KCTD16: variants seen among roughly 807,000 people sequenced by gnomAD.
The protein encoded by KCTD16 is potassium channel tetramerization domain containing 16.
Under a neutral mutation model 33.2 loss-of-function variants are expected in KCTD16, and 13 were observed. The observed-to-expected ratio is 0.39, with a 90% CI of 0.25 to 0.62. The LOEUF (loss-of-function observed/expected upper bound fraction) is 0.62, where lower values mean the gene tolerates loss of function less well. Ranked by LOEUF, KCTD16 falls within the 20% of genes least tolerant of loss-of-function variation. The pLI, the probability that KCTD16 is intolerant of heterozygous loss-of-function variation, is 0.50. For synonymous variants in KCTD16, 197 were observed against 195.3 expected (o/e 1.01, Z -0.07); for missense variants, 441 against 525.1 (o/e 0.84, Z 1.57).
chr5:144,325,823 G>C (rs913370201), intron 3 of KCTD16, among the ~76,000 whole-genome samples: 4 of 152,064 alleles, frequency 2.6e-5, no homozygotes, highest in Non-Finnish European at 5.9e-5. Context: ...TGTGAACTTA[G>C]GAACTGCCCC....
chr5:144,467,913 C>A (rs1385033814), intron 3 of KCTD16, among the ~76,000 whole-genome samples: 1 of 152,158 alleles, frequency 6.6e-6, no homozygotes, highest in East Asian at 1.9e-4. Context: ...GCTAACTACA[C>A]TTTTCCTTTG....
chr5:144,284,848 G>A (rs1755700966), intron 3 of KCTD16, among the ~76,000 whole-genome samples: 1 of 152,190 alleles, frequency 6.6e-6, no homozygotes. Context: ...AGTTATGGAA[G>A]CCTCTTTTTC....
At chr5:144,281,560 C>G (rs534507967) in intron 3 of KCTD16, among the ~76,000 whole-genome samples, 1 of 152,038 alleles carries the variant, frequency 6.6e-6, no homozygotes, top group Admixed American at 6.5e-5. Context: ...AGAAAAAGAC[C>G]TTGCATTATT....
chr5:144,273,824 G>C (rs536620412), intron 3 of KCTD16, among the ~76,000 whole-genome samples: 113 of 152,100 alleles, frequency 7.4e-4, no homozygotes, highest in African/African-American at 2.6e-3. Flanking sequence ...AATAGTTTCA[G>C]TTTTACAAGA....
chr5:144,215,399 C>A (rs1753533431), intron 3 of KCTD16, among the ~76,000 whole-genome samples: 1 of 152,186 alleles, frequency 6.6e-6, no homozygotes, highest in South Asian at 2.1e-4. Flanking sequence ...GACAAGGTTG[C>A]CTTCTTAATT....
At chr5:144,191,653 A>G (rs1464725666) in intron 2 of KCTD16, among the ~76,000 whole-genome samples, 1 of 151,230 alleles carries the variant, frequency 6.6e-6, no homozygotes, top group African/African-American at 2.4e-5. Flanking sequence ...TCTTTAAGAA[A>G]TCTCACCTCC....
chr5:144,287,836 A>G (rs1755788928), intron 3 of KCTD16, among the ~76,000 whole-genome samples: 1 of 151,988 alleles, frequency 6.6e-6, no homozygotes, highest in African/African-American at 2.4e-5. Flanking sequence ...AGGTTTCACC[A>G]TGTTGGCCAA....
At position 144,226,865 on chromosome 5, in the gene KCTD16, G is replaced by A. The variant is rs936918596; in HGVS notation, c.832+19319G>A. 8.5e-5 allele frequency among the ~76,000 whole-genome samples: 13 copies of A among 152,288 alleles called. No homozygotes were observed. The South Asian group carries it at 1.2e-3, about 15-fold the overall frequency. ...TGGGATTACAGGTGTGAGACACTGC[G>A]CCTGGCCAAATCTATTTCTTTATGA... is the stretch of plus-strand genomic sequence containing the variant. On this transcript the variant is annotated intron_variant, in intron 3 of 3. Coordinates refer to ENST00000512467, the MANE Select transcript of KCTD16 (RefSeq NM_020768.4).
chr5:144,304,977 CTTTT>C (rs146638360), intron 3 of KCTD16, among the ~76,000 whole-genome samples: 4 of 83,412 alleles, frequency 4.8e-5, no homozygotes, highest in African/African-American at 2.2e-4. Context: ...ATATCAAAAT[CTTTT>C]TTTTTTTTTT....
chr5:144,474,460 C>A lies in KCTD16; in HGVS notation c.*346C>A. ...TCCCAAACTGGGTTTTTTCTCTCAT[C>A]CTTCTACCTCCCTCCTTTGAATGAG... is the stretch of plus-strand genomic sequence containing the variant. On this transcript the variant is annotated 3_prime_UTR_variant, in exon 4 of 4. Coordinates refer to ENST00000512467, the MANE Select transcript of KCTD16 (RefSeq NM_020768.4). 1 of 194,618 alleles carries A rather than the reference C, an allele frequency of 5.1e-6. No homozygotes were observed. The highest frequency in any genetic ancestry group is 1.0e-4 in the South Asian group (1 of 10,022). 12.1% of individuals were successfully genotyped at this position (194,618 alleles called of 1,614,324 possible).
intron 3 of KCTD16, among the ~76,000 whole-genome samples, chr5:144,370,616 C>T (rs1302951222): frequency 5.3e-5 from 8 of 152,102 alleles, no homozygotes; most frequent in Non-Finnish European, 1.5e-5. Context: ...TGCCAAGGCA[C>T]ATAGCAGTTG....
intron 3 of KCTD16, among the ~76,000 whole-genome samples, chr5:144,289,260 G>A (rs553155702): frequency 9.2e-5 from 14 of 152,276 alleles, no homozygotes; most frequent in African/African-American, 3.4e-4. Context: ...CCCAGAATCT[G>A]AAGCCTACTG....
intron 2 of KCTD16, chr5:144,205,531 C>T: frequency 2.5e-6 from 1 of 398,736 alleles, no homozygotes; most frequent in Non-Finnish European, 4.4e-6. Flanking sequence ...CATGGGAGTC[C>T]GTTTGCCCTT....
intron 3 of KCTD16, among the ~76,000 whole-genome samples, chr5:144,439,958 A>G (rs963656351): frequency 6.6e-6 from 1 of 152,116 alleles, no homozygotes; most frequent in Non-Finnish European, 1.5e-5. Flanking sequence ...CTAAAAAAAA[A>G]AAAACATATT....
intron 3 of KCTD16, among the ~76,000 whole-genome samples, chr5:144,254,896 A>C (rs1489598153): frequency 6.6e-6 from 1 of 151,972 alleles, no homozygotes; most frequent in Non-Finnish European, 1.5e-5. Context: ...AGTAGCTGGG[A>C]CCACAGGTGT....
intron 3 of KCTD16, among the ~76,000 whole-genome samples, chr5:144,389,422 C>CCCT (rs1752402396): frequency 6.6e-6 from 1 of 151,982 alleles, no homozygotes; most frequent in Admixed American, 6.6e-5. Flanking sequence ...GTGAACTGAG[C>CCCT]ATGCAAGGGA....
At chr5:144,429,777 A>G (rs1171486852) in intron 3 of KCTD16, among the ~76,000 whole-genome samples, 3 of 152,136 alleles carry the variant, frequency 2.0e-5, no homozygotes, top group African/African-American at 7.2e-5. Context: ...CTGAACTAAA[A>G]TAAGGAATAC....
chr5:144,222,359 G>T (rs1753784174), intron 3 of KCTD16, among the ~76,000 whole-genome samples: 1 of 152,080 alleles, frequency 6.6e-6, no homozygotes, highest in African/African-American at 2.4e-5. Flanking sequence ...GTAATAATGT[G>T]GTGTGGGGTA....
In KCTD16 at chr5:144,475,599, A is replaced by C. The variant is rs1355643400; in HGVS notation, c.*1485A>C. 1 of 152,642 alleles carries C rather than the reference A, an allele frequency of 6.6e-6. No individual in the cohort carries two copies. The highest frequency in any genetic ancestry group is 1.5e-5 in the Non-Finnish European group (1 of 68,036). 9.5% of individuals were successfully genotyped at this position (152,642 alleles called of 1,614,324 possible). On this transcript the variant is annotated 3_prime_UTR_variant, in exon 4 of 4. Coordinates refer to ENST00000512467, the MANE Select transcript of KCTD16 (RefSeq NM_020768.4). The stretch of plus-strand genomic sequence containing the variant: ...ATTTTCAGCATTCCTCATGCATTTC[A>C]GTGGTAACCAAAAAATAATTTGTCA...
Sources: allele counts gnomAD v4.1 joint callset (sites outside exome capture counted in the v4.1 genomes callset), GRCh38; gene constraint gnomAD v4.1.1; transcripts MANE v1.5; gene names NCBI Gene and HGNC (gene_info 2026-07-23, HGNC 2026-07-21).